Variants in SORCS2 observed in about 807,000 individuals in gnomAD.
The protein encoded by SORCS2 is VPS10 domain-containing receptor SorCS2.
In SORCS2, 100 loss-of-function variants were observed where a neutral mutation model predicts 141.6. The observed-to-expected ratio is 0.71, with a 90% confidence interval of 0.60 to 0.83. The LOEUF (loss-of-function observed/expected upper bound fraction) is 0.83. Among genes scored for constraint, SORCS2 ranks in the 40% least tolerant of loss-of-function variants. The probability of loss-of-function intolerance (pLI) is 0.00; values close to 1 mark genes in which losing one functional copy is unlikely to be tolerated. For missense variants in SORCS2, 1,646 were observed against 1,560.2 expected (o/e 1.05, Z -0.93); for synonymous variants, 789 against 676.9 (o/e 1.17, Z -2.57).
chr4:7,215,472 C>T (rs1263609711), intron 1 of SORCS2, among the ~76,000 whole-genome samples: 6 of 152,234 alleles, frequency 3.9e-5, no homozygotes, highest in East Asian at 1.9e-4. Context: ...CCCTGCTCCA[C>T]GGCTCCCAGT....
intron 1 of SORCS2, among the ~76,000 whole-genome samples, chr4:7,202,191 G>C (rs2108863162): frequency 6.6e-6 from 1 of 152,306 alleles, no homozygotes; most frequent in Admixed American, 6.5e-5. Flanking sequence ...ACTGCTGATT[G>C]ATATGCAGCC....
chr4:7,215,398 G>T (rs977982188), intron 1 of SORCS2, among the ~76,000 whole-genome samples: 1 of 152,222 alleles, frequency 6.6e-6, no homozygotes, highest in Non-Finnish European at 1.5e-5. Flanking sequence ...AGCCCGCCAT[G>T]CCTGAGCCTT....
intron 3 of SORCS2, among the ~76,000 whole-genome samples, chr4:7,544,820 G>A (rs1465652319): frequency 1.3e-5 from 2 of 152,214 alleles, no homozygotes; most frequent in Admixed American, 1.3e-4. Context: ...CACTCAGGGT[G>A]TGGCTGGTTC....
At chr4:7,668,804 T>C (rs907552095) in intron 8 of SORCS2, among the ~76,000 whole-genome samples, 3 of 152,046 alleles carry the variant, frequency 2.0e-5, no homozygotes, top group Admixed American at 1.3e-4. Context: ...CCCTCGACCT[T>C]TGGGGGCTAC....
chr4:7,480,436 C>G (rs574485628), intron 2 of SORCS2, among the ~76,000 whole-genome samples: 1 of 152,104 alleles, frequency 6.6e-6, no homozygotes, highest in African/African-American at 2.4e-5. Context: ...AAATACAGCC[C>G]GGGGGGTTGG....
intron 2 of SORCS2, among the ~76,000 whole-genome samples, chr4:7,504,371 A>C (rs1732155145): frequency 6.6e-6 from 1 of 152,222 alleles, no homozygotes; most frequent in African/African-American, 2.4e-5. Context: ...GACTTTGTAG[A>C]GCCCGAGAGT....
chr4:7,336,887 G>T (rs1377094617), intron 1 of SORCS2, among the ~76,000 whole-genome samples: 1 of 152,166 alleles, frequency 6.6e-6, no homozygotes. Flanking sequence ...CTGAGTCCAG[G>T]TTCCGTGAGA....
chr4:7,450,992 GTGAATGAGGGAGTGAA>G (rs1728398663), intron 2 of SORCS2, among the ~76,000 whole-genome samples: 1 of 151,900 alleles, frequency 6.6e-6, no homozygotes, highest in South Asian at 2.1e-4. Context: ...GACTGAGTGG[GTGAATGAGGGAGTGAA>G]TGAATGAGGA....
At chr4:7,616,848 G>A (rs1489563263) in intron 3 of SORCS2, among the ~76,000 whole-genome samples, 3 of 152,214 alleles carry the variant, frequency 2.0e-5, no homozygotes, top group Non-Finnish European at 4.4e-5. Flanking sequence ...CTCGATGGAC[G>A]TTTGGAGGTG....
chr4:7,539,680 A>ACCGCCGTTATGGAGGCCCCGC, intron 3 of SORCS2, among the ~76,000 whole-genome samples: 2 of 134,298 alleles, frequency 1.5e-5, no homozygotes, highest in Non-Finnish European at 3.2e-5. Context: ...CAAGGCCCCG[A>ACCGCCGTTATGGAGGCCCCGC]CCCCCGTTAT....
chr4:7,277,743 G>A (rs1715598363), intron 1 of SORCS2, among the ~76,000 whole-genome samples: 2 of 152,162 alleles, frequency 1.3e-5, no homozygotes. Context: ...CCCATCCTGG[G>A]ATGCTCAGAG....
At chr4:7,336,271 G>C (rs1229421256) in intron 1 of SORCS2, among the ~76,000 whole-genome samples, 1 of 152,152 alleles carries the variant, frequency 6.6e-6, no homozygotes, top group African/African-American at 2.4e-5. Flanking sequence ...CTGAAGGGAG[G>C]AGAAGCATCC....
intron 2 of SORCS2, among the ~76,000 whole-genome samples, chr4:7,455,617 TCTGTGTTGGGGTCAGGC>T (rs1728852127): frequency 7.1e-6 from 1 of 141,368 alleles, no homozygotes; most frequent in African/African-American, 2.7e-5. Context: ...GGGGTCAGGC[TCTGTGTTGGGGTCAGGC>T]GCCGTGTTGG....
At chr4:7,461,483 G>A (rs1219393062) in intron 2 of SORCS2, among the ~76,000 whole-genome samples, 7 of 152,188 alleles carry the variant, frequency 4.6e-5, no homozygotes. Context: ...GCACCCCCGC[G>A]AGCAACATGT....
chr4:7,522,626 C>CCCTCCCTCCT (rs1210673087), intron 2 of SORCS2, among the ~76,000 whole-genome samples: 1 of 151,086 alleles, frequency 6.6e-6, no homozygotes, highest in Non-Finnish European at 1.5e-5. Flanking sequence ...TTCCCCTTTT[C>CCCTCCCTCCT]CCTCCCTCCT....
chr4:7,270,055 T>G (rs1176547301), intron 1 of SORCS2, among the ~76,000 whole-genome samples: 1 of 152,180 alleles, frequency 6.6e-6, no homozygotes, highest in African/African-American at 2.4e-5. Flanking sequence ...AATTTTTGTA[T>G]TTGTTAGTAG....
intron 2 of SORCS2, among the ~76,000 whole-genome samples, chr4:7,503,066 G>C (rs1054501640): frequency 6.6e-6 from 1 of 152,152 alleles, no homozygotes; most frequent in Non-Finnish European, 1.5e-5. Flanking sequence ...TCCTGCCTCC[G>C]GGAGCACAGG....
chr4:7,518,047 C>A (rs757075687), intron 2 of SORCS2, among the ~76,000 whole-genome samples: 4 of 152,190 alleles, frequency 2.6e-5, no homozygotes, highest in African/African-American at 4.8e-5. Flanking sequence ...TGAAATACTG[C>A]AAATATGCTC....
At chr4:7,400,923 A>G (rs549823974) in intron 2 of SORCS2, among the ~76,000 whole-genome samples, 87 of 151,506 alleles carry the variant, frequency 5.7e-4, no homozygotes, top group African/African-American at 1.7e-3. Flanking sequence ...AGATGAATGG[A>G]GAGATGGATG....
Sources: allele counts gnomAD v4.1 joint callset (sites outside exome capture counted in the v4.1 genomes callset), GRCh38; gene constraint gnomAD v4.1.1; transcripts MANE v1.5; gene names NCBI Gene and HGNC (gene_info 2026-07-23, HGNC 2026-07-21).